USP43: variants seen among roughly 807,000 people sequenced by gnomAD.
USP43 encodes ubiquitin specific peptidase 43, also known as ubiquitin carboxyl-terminal hydrolase 43.
In USP43, 33 loss-of-function variants were observed where a neutral mutation model predicts 90.7. The ratio of observed to expected loss-of-function variants is 0.36; its 90% CI spans 0.28 to 0.49. The LOEUF (loss-of-function observed/expected upper bound fraction) is 0.49. Among genes scored for constraint, USP43 ranks in the 20% least tolerant of loss-of-function variants. The pLI, the probability that USP43 is intolerant of heterozygous loss-of-function variation, is 0.98. For synonymous variants in USP43, 598 were observed against 615.8 expected (o/e 0.97, Z 0.43); for missense variants, 1,274 against 1,476.4 (o/e 0.86, Z 2.25).
intron 1 of USP43, among the ~76,000 whole-genome samples, chr17:9,649,934 G>C (rs1360908809): frequency 2.6e-5 from 4 of 151,928 alleles, no homozygotes; most frequent in African/African-American, 9.7e-5. Flanking sequence ...TCTTTATGGA[G>C]ATCTATGGTT....
At position 9,676,780 on chromosome 17, in the gene USP43, A is replaced by G. The variant is rs1254163709; in HGVS notation, c.868A>G (p.Ser290Gly). Reference protein sequence around the residue: ...LSVTLVFPSKSQRFLRVGLAV... With the variant: ...LSVTLVFPSKGQRFLRVGLAV... Reference sequence around the variant, plus strand: ...TGTCACCTTGGTCTTCCCCTCTAAGAGCCAGCGGTTCCTGCGGGTTGGCCT... The same window carrying G: ...TGTCACCTTGGTCTTCCCCTCTAAGGGCCAGCGGTTCCTGCGGGTTGGCCT... Residue 290 changes from serine to glycine, a missense_variant, in exon 5 of 15, where the codon AGC becomes GGC. By Grantham distance (56) the Ser-to-Gly change is moderately conservative (BLOSUM62 0). Coordinates refer to ENST00000285199, the MANE Select transcript of USP43 (RefSeq NM_153210.5). 1.2e-6 allele frequency: 2 copies of G among 1,613,874 alleles called. No homozygotes were observed. The highest frequency in any genetic ancestry group is 3.3e-5 in the Admixed American group (2 of 60,004).
chr17:9,703,909 C>T (rs965946555), intron 12 of USP43, among the ~76,000 whole-genome samples: 41 of 152,198 alleles, frequency 2.7e-4, no homozygotes, highest in Admixed American at 2.0e-3. Flanking sequence ...AGGTGAAGCT[C>T]ACCCTCAGTG....
chr17:9,645,947 C>T lies in USP43; in HGVS notation c.315C>T (p.Asn105=). The change falls in exon 1 of 15, where the codon AAC becomes AAT. Residue 105 remains asparagine (N), a synonymous_variant. Transcript: ENST00000285199. The surrounding 1 kb of genome is among the most constrained non-coding windows in gnomAD (Gnocchi z 6.8). ...ARPPGAQGLK[N]HGNTCFMNAV... is the part of the protein sequence containing the mutation. ...CGCCGGGCGCTCAGGGCTTGAAGAACCACGGCAACACCTGTTTCATGAACG... is the reference window on the plus strand; with the variant it reads ...CGCCGGGCGCTCAGGGCTTGAAGAATCACGGCAACACCTGTTTCATGAACG... 1 of 1,479,766 alleles carries T rather than the reference C, an allele frequency of 6.8e-7. No individual in the cohort carries two copies. The highest frequency in any genetic ancestry group is 1.3e-5 in the South Asian group (1 of 75,152). The allele number at this position is 1,479,766 out of a possible 1,614,324, so 91.7% of individuals were successfully genotyped here.
At chr17:9,717,820 C>T (rs530050154) in intron 14 of USP43, among the ~76,000 whole-genome samples, 35 of 140,558 alleles carry the variant, frequency 2.5e-4, no homozygotes, top group Middle Eastern at 3.8e-3. Context: ...TTTTTTGAGG[C>T]GGAGTCTTGT....
chr17:9,706,916 T>C (rs1434466292), intron 12 of USP43, among the ~76,000 whole-genome samples: 1 of 152,132 alleles, frequency 6.6e-6, no homozygotes, highest in Non-Finnish European at 1.5e-5. Context: ...GTGCTGGGAT[T>C]ACAGGCGTGA....
intron 14 of USP43, among the ~76,000 whole-genome samples, chr17:9,716,669 T>C (rs959332380): frequency 1.3e-5 from 2 of 152,166 alleles, no homozygotes; most frequent in African/African-American, 2.4e-5. Flanking sequence ...GCTAGCCTTG[T>C]GGTCTGACCT....
chr17:9,682,947 G>A lies in USP43; in HGVS notation c.1230G>A (p.Gln410=). The change falls in exon 7 of 15, where the codon CAG becomes CAA. Residue 410 remains glutamine, a synonymous_variant. Transcript: ENST00000285199. ...ILFCNLVGSG[Q]QASRFGPPFL... is the part of the protein sequence containing the mutation. ...TCTGTAACTTGGTGGGGTCAGGGCA[G>A]CAGGCTAGCAGGTATGTTTCACTTT... 1 of 1,613,268 alleles carries A rather than the reference G, an allele frequency of 6.2e-7. No individual in the cohort carries two copies. Among genetic ancestry groups the A allele is most frequent in the Non-Finnish European group, 8.5e-7 (1 of 1,179,380 alleles).
chr17:9,664,700 C>T (rs866590943), intron 2 of USP43, among the ~76,000 whole-genome samples: 3 of 150,278 alleles, frequency 2.0e-5, no homozygotes, highest in Admixed American at 6.6e-5. Context: ...TGCAGTGGCA[C>T]GATCTCGGCT....
chr17:9,695,078 C>T (rs1435106549), intron 9 of USP43, among the ~76,000 whole-genome samples: 1 of 152,064 alleles, frequency 6.6e-6, no homozygotes, highest in Non-Finnish European at 1.5e-5. Flanking sequence ...AGGTCACACC[C>T]CTCCTGGCCC....
chr17:9,658,636 T>A lies in USP43; in HGVS notation c.636+2102T>A, dbSNP rs189018283. Among the ~76,000 whole-genome samples, 614 of 152,212 alleles carry A rather than the reference T, an allele frequency of 4.0e-3. 2 individuals are homozygous for A. Among genetic ancestry groups the A allele is most frequent in the African/African-American group, 0.014 (567 of 41,524 alleles). ...TTTCTCTGGGTTTTGAGATTAGGGG[T>A]GATTTCTTTTACTTACCATGATTTC... On this transcript the variant is annotated intron_variant, in intron 2 of 14. Transcript: ENST00000285199.
intron 8 of USP43, among the ~76,000 whole-genome samples, chr17:9,692,867 T>G (rs905818139): frequency 1.3e-5 from 2 of 152,210 alleles, no homozygotes; most frequent in African/African-American, 2.4e-5. Context: ...ATTTACTATT[T>G]AAACACACTG....
intron 2 of USP43, 22 bp downstream of exon 2, chr17:9,656,556 A>G (rs1201583010): frequency 1.9e-6 from 3 of 1,601,470 alleles, no homozygotes; most frequent in Non-Finnish European, 2.6e-6. Flanking sequence ...TCAAAACAAC[A>G]CAATGTACTG....
intron 5 of USP43, among the ~76,000 whole-genome samples, chr17:9,679,024 T>A (rs1913981676): frequency 6.6e-6 from 1 of 152,170 alleles, no homozygotes; most frequent in Non-Finnish European, 1.5e-5. Flanking sequence ...TGTCCAGTAT[T>A]TTAATCCCTT....
intron 14 of USP43, among the ~76,000 whole-genome samples, chr17:9,715,787 C>G (rs111165139): frequency 0.13 from 17,515 of 137,172 alleles, 2,067 homozygotes; most frequent in African/African-American, 0.33. Flanking sequence ...GTGTGTGTCT[C>G]TGTGTGTGTG....
intron 12 of USP43, among the ~76,000 whole-genome samples, chr17:9,704,393 C>T (rs1024225965): frequency 1.1e-4 from 16 of 152,218 alleles, no homozygotes; most frequent in African/African-American, 3.9e-4. Flanking sequence ...ATCTCTGCCT[C>T]CTGGATTCAA....
intron 14 of USP43, among the ~76,000 whole-genome samples, chr17:9,715,094 A>G (rs117601542): frequency 7.3e-4 from 111 of 152,290 alleles, no homozygotes; most frequent in Non-Finnish European, 1.3e-3. Context: ...GATAGTAGAG[A>G]CGCATTCAGA....
chr17:9,652,809 G>T (rs1911968089), intron 1 of USP43, among the ~76,000 whole-genome samples: 1 of 152,112 alleles, frequency 6.6e-6, no homozygotes, highest in Non-Finnish European at 1.5e-5. Flanking sequence ...ATTTACAAAT[G>T]AAAATAAAAC....
At chr17:9,652,033 T>A (rs1306312873) in intron 1 of USP43, among the ~76,000 whole-genome samples, 1 of 151,910 alleles carries the variant, frequency 6.6e-6, no homozygotes, top group African/African-American at 2.4e-5. Flanking sequence ...AAATTATCAA[T>A]GTTTGGGAAA....
chr17:9,662,433 C>T (rs115636857), intron 2 of USP43, among the ~76,000 whole-genome samples: 18 of 152,304 alleles, frequency 1.2e-4, no homozygotes, highest in African/African-American at 4.3e-4. Flanking sequence ...TTGACTTTAC[C>T]TCTCTGTGAA....
Sources: gnomAD v4.1 joint callset for allele counts (sites outside exome capture counted in the v4.1 genomes callset) on GRCh38, gnomAD v4.1.1 for gene constraint, Gnocchi (gnomAD v3.1) non-coding constraint, MANE v1.5 for transcripts, NCBI Gene and HGNC (gene_info 2026-07-23, HGNC 2026-07-21) for gene names.